RANBP2: variants seen among roughly 807,000 people sequenced by gnomAD.
RANBP2 encodes RAN binding protein 2.
A neutral mutation model predicts 303.6 loss-of-function variants in RANBP2; 57 were observed. That is an observed-to-expected ratio of 0.19 (90% CI 0.15 to 0.23). The LOEUF is 0.23. RANBP2 is among the 10% of genes least tolerant of loss of function. The pLI is 1.00. For missense variants in RANBP2, 3,138 were observed against 3,780.8 expected (o/e 0.83, Z 4.46); for synonymous variants, 1,167 against 1,301.5 (o/e 0.90, Z 2.23).
chr2:109,456,117 G>T, the RANBP2 span, among the ~76,000 whole-genome samples: 2 of 152,286 alleles, frequency 1.3e-5, no homozygotes, highest in Non-Finnish European at 2.9e-5. Flanking sequence ...CAGGTCTGCC[G>T]CACAGCAAAG....
chr2:108,962,137 G>A, the RANBP2 span, among the ~76,000 whole-genome samples: 1 of 152,144 alleles, frequency 6.6e-6, no homozygotes, highest in African/African-American at 2.4e-5. Context: ...AGCATGTGGC[G>A]CCCTGTCTAG....
At chr2:109,386,424 A>C in the RANBP2 span, among the ~76,000 whole-genome samples, 1,395 of 152,306 alleles carry the variant, frequency 9.2e-3, 22 homozygotes, top group African/African-American at 0.031. Context: ...TTTAAAAAAA[A>C]AAAAAAAAAC....
At chr2:108,845,102 G>A in the RANBP2 span, among the ~76,000 whole-genome samples, 1 of 151,846 alleles carries the variant, frequency 6.6e-6, no homozygotes, top group African/African-American at 2.4e-5. Context: ...TAAAGCATTA[G>A]AGATAATTTT....
chr2:109,185,909 C>T, the RANBP2 span, among the ~76,000 whole-genome samples: 1 of 152,250 alleles, frequency 6.6e-6, no homozygotes, highest in East Asian at 1.9e-4. Flanking sequence ...TGCATCCTCC[C>T]CCAGCTCCTG....
chr2:109,506,819 C>G, the RANBP2 span, among the ~76,000 whole-genome samples: 2 of 152,190 alleles, frequency 1.3e-5, no homozygotes, highest in African/African-American at 4.8e-5. Flanking sequence ...GTAGCACTTA[C>G]CACCTAATGA....
chr2:109,735,478 ATC>A, the RANBP2 span, among the ~76,000 whole-genome samples: 80 of 147,262 alleles, frequency 5.4e-4, no homozygotes, highest in South Asian at 2.3e-3. Context: ...AGTAATGCAG[ATC>A]TCTCTCTCTC....
chr2:109,063,958 A>G, the RANBP2 span, among the ~76,000 whole-genome samples: 5,507 of 152,228 alleles, frequency 0.036, 191 homozygotes, highest in African/African-American at 0.084. Context: ...TCATGGCTAT[A>G]AAATGGCTGC....
the RANBP2 span, among the ~76,000 whole-genome samples, chr2:108,826,450 T>G: frequency 2.0e-5 from 3 of 152,044 alleles, no homozygotes; most frequent in Non-Finnish European, 4.4e-5. Flanking sequence ...GTTGGAGGAG[T>G]GTAACCTCAT....
chr2:109,546,224 A>C, the RANBP2 span: 2 of 1,552,832 alleles, frequency 1.3e-6, no homozygotes, highest in Non-Finnish European at 8.7e-7. Context: ...AAGGTGCTCA[A>C]ATTTGGCCTG....
At chr2:109,046,202 G>A in the RANBP2 span, among the ~76,000 whole-genome samples, 1 of 151,056 alleles carries the variant, frequency 6.6e-6, no homozygotes, top group East Asian at 2.0e-4. Context: ...TACTCGGGAG[G>A]CTGAGGCAGA....
the RANBP2 span, chr2:109,371,704 C>T: frequency 1.9e-6 from 3 of 1,604,792 alleles, no homozygotes; most frequent in African/African-American, 4.0e-5. Flanking sequence ...CGCCCTCCCA[C>T]ACTTGGCTCC....
the RANBP2 span, among the ~76,000 whole-genome samples, chr2:109,212,703 A>G: frequency 6.6e-6 from 1 of 152,096 alleles, no homozygotes; most frequent in East Asian, 1.9e-4. Flanking sequence ...TCACAGAACT[A>G]ATTGTTGTAT....
At chr2:109,371,153 C>G in the RANBP2 span, among the ~76,000 whole-genome samples, 1 of 152,168 alleles carries the variant, frequency 6.6e-6, no homozygotes, top group Non-Finnish European at 1.5e-5. Context: ...CTTTAGGAGG[C>G]CAAGGCGGGC....
chr2:109,424,342 T>C, the RANBP2 span, among the ~76,000 whole-genome samples: 3 of 152,196 alleles, frequency 2.0e-5, no homozygotes, highest in African/African-American at 7.2e-5. Context: ...CAGCCACTCA[T>C]CGCCCTTCAG....
chr2:108,937,413 C>A, the RANBP2 span, among the ~76,000 whole-genome samples: 1 of 152,020 alleles, frequency 6.6e-6, no homozygotes, highest in African/African-American at 2.4e-5. Flanking sequence ...TCTGTGAGCA[C>A]CTATGTGTGA....
At chr2:108,982,313 GGT>G in the RANBP2 span, among the ~76,000 whole-genome samples, 1 of 152,340 alleles carries the variant, frequency 6.6e-6, no homozygotes, top group Non-Finnish European at 1.5e-5. Context: ...AACCCAGGGA[GGT>G]GGGTGGAAGC....
the RANBP2 span, among the ~76,000 whole-genome samples, chr2:109,594,362 C>T: frequency 2.0e-5 from 3 of 152,160 alleles, no homozygotes; most frequent in African/African-American, 7.2e-5. Context: ...GCGCTCTTCC[C>T]GAGAGGCACC....
chr2:109,492,185 C>T, the RANBP2 span, among the ~76,000 whole-genome samples: 6 of 152,160 alleles, frequency 3.9e-5, no homozygotes, highest in East Asian at 3.9e-4. Context: ...ATTTAAATTT[C>T]GTACAATTTT....
chr2:109,715,197 C>T, the RANBP2 span, among the ~76,000 whole-genome samples: 3 of 151,956 alleles, frequency 2.0e-5, no homozygotes, highest in African/African-American at 7.3e-5. Context: ...GAACTCCTGA[C>T]CTGAGGTGAT....
Sources: allele counts gnomAD v4.1 joint callset (sites outside exome capture counted in the v4.1 genomes callset), GRCh38; gene constraint gnomAD v4.1.1; transcripts MANE v1.5; gene names NCBI Gene and HGNC (gene_info 2026-07-23, HGNC 2026-07-21).